IL7: variants seen among roughly 807,000 people sequenced by gnomAD.
IL7 encodes the protein interleukin-7.
Under a neutral mutation model 21.6 loss-of-function variants are expected in IL7, and 3 were observed. The observed-to-expected ratio is 0.14, with a 90% CI of 0.06 to 0.36. The LOEUF (loss-of-function observed/expected upper bound fraction) is 0.36. Among genes scored for constraint, IL7 ranks in the 10% least tolerant of loss-of-function variants. IL7 has a pLI of 1.00. For missense variants in IL7, 175 were observed against 200.2 expected, an observed-to-expected ratio of 0.87 and a Z score of 0.76; for synonymous variants, 62 against 68.1, an observed-to-expected ratio of 0.91 and a Z score of 0.44.
chr8:78,772,540 T>C (rs1346553649), intron 2 of IL7, among the ~76,000 whole-genome samples: 2 of 152,146 alleles, frequency 1.3e-5, no homozygotes, highest in Non-Finnish European at 2.9e-5. Flanking sequence ...TGACCTTAAA[T>C]GGCACAGTAA....
intron 2 of IL7, among the ~76,000 whole-genome samples, chr8:78,751,820 G>A (rs1341286274): frequency 1.3e-5 from 2 of 152,028 alleles, no homozygotes; most frequent in Non-Finnish European, 2.9e-5. Flanking sequence ...ATAAATTATG[G>A]TAAACTATGT....
rs906289342 is a variant in IL7 at position 78,685,205 on chromosome 8, G to T, written n.273+684C>A. 5.9e-5 allele frequency among the ~76,000 whole-genome samples: 9 copies of T among 151,918 alleles called. No homozygotes were observed. The East Asian group carries it at 1.2e-3, about 20-fold the overall frequency. On this transcript the variant is annotated intron_variant and non_coding_transcript_variant, in intron 4 of 4. Coordinates refer to the IL7 transcript ENST00000523959. ...ACAGGTGTTATTTCAATTCTGTTGT[G>T]GGGGGACAGGGAGGGGAGAGTCACT...
chr8:78,684,334 A>G (rs949333764), intron 4 of IL7, among the ~76,000 whole-genome samples: 2 of 152,234 alleles, frequency 1.3e-5, no homozygotes, highest in Admixed American at 1.3e-4. Context: ...TCAAAGGCAC[A>G]TCTTACATGA....
Position 78,794,787 on chromosome 8 carries a change from C to T in IL7, c.147+3285G>A, listed in dbSNP as rs73687556. 1.0e-2 allele frequency among the ~76,000 whole-genome samples: 1,515 copies of T among 152,134 alleles called. 27 individuals are homozygous for T. Among genetic ancestry groups the T allele is most frequent in the African/African-American group, 0.034 (1,432 of 41,518 alleles). ...TCTAACAAACAGGAAGTCACTCTTC[C>T]TACTTTTAAAACTGTAACTTGCATT... On this transcript the variant is annotated intron_variant, in intron 2 of 5. Coordinates refer to ENST00000263851, the MANE Select transcript of IL7 (RefSeq NM_000880.4).
At chr8:78,735,293 G>GTTTTTTTTTTTTTTTTTTTTTTGT (rs33976248) in intron 5 of IL7, among the ~76,000 whole-genome samples, 1 of 69,574 alleles carries the variant, frequency 1.4e-5, no homozygotes, top group African/African-American at 5.7e-5. Flanking sequence ...TTTTTTTTTT[G>GTTTTTTTTTTTTTTTTTTTTTTGT]TTTTTTTTTT....
intron 4 of IL7, among the ~76,000 whole-genome samples, chr8:78,680,146 T>C (rs1236610510): frequency 1.3e-5 from 2 of 152,126 alleles, no homozygotes; most frequent in Non-Finnish European, 1.5e-5. Context: ...TACATAAGAT[T>C]ATCCATGGTG....
chr8:78,798,963 T>C (rs1040399056), intron 1 of IL7, among the ~76,000 whole-genome samples: 20 of 152,074 alleles, frequency 1.3e-4, no homozygotes, highest in African/African-American at 4.6e-4. Flanking sequence ...TGATAACTCT[T>C]CCCAATTAGG....
Position 78,753,067 on chromosome 8 carries a change from CT to C in IL7, c.148-12986del, listed in dbSNP as rs199824772. ...GCAATAAACATATATGTGAATGTGT[CT>C]TTATAGTAGAATGATTTAAAATCCT... On this transcript the variant is annotated intron_variant, in intron 2 of 5. Transcript: ENST00000263851. 9.4e-3 allele frequency among the ~76,000 whole-genome samples: 1,431 copies of C among 152,180 alleles called. 46 individuals carry two copies. Among genetic ancestry groups the C allele is most frequent in the Admixed American group, 0.062 (950 of 15,278 alleles).
intron 2 of IL7, among the ~76,000 whole-genome samples, chr8:78,789,445 A>T (rs976624425): frequency 6.6e-6 from 1 of 152,172 alleles, no homozygotes; most frequent in African/African-American, 2.4e-5. Flanking sequence ...CATATTTTTG[A>T]AGCAATATTT....
intron 3 of IL7, chr8:78,712,198 A>G (rs1810973639): frequency 1.6e-6 from 1 of 608,544 alleles, no homozygotes; most frequent in African/African-American, 2.0e-5. Flanking sequence ...ACTGTCCTAT[A>G]CTTAAAAAAA....
chr8:78,735,293 G>GT (rs33976248), intron 5 of IL7, among the ~76,000 whole-genome samples: 20,958 of 69,454 alleles, frequency 0.3, 2,550 homozygotes, highest in African/African-American at 0.41. Flanking sequence ...TTTTTTTTTT[G>GT]TTTTTTTTTT....
chr8:78,731,876 A>T (rs935705108), downstream of IL7, among the ~76,000 whole-genome samples: 6 of 152,120 alleles, frequency 3.9e-5, no homozygotes, highest in African/African-American at 1.4e-4. Flanking sequence ...AGAAAATTTT[A>T]ATAGCGTTTT....
At chr8:78,744,603 C>T (rs1314244872) in intron 2 of IL7, among the ~76,000 whole-genome samples, 2 of 152,162 alleles carry the variant, frequency 1.3e-5, no homozygotes, top group African/African-American at 4.8e-5. Context: ...TACAGACCAT[C>T]GCTGCTTGGC....
intron 2 of IL7, among the ~76,000 whole-genome samples, chr8:78,789,352 A>T (rs948953615): frequency 1.3e-5 from 2 of 152,200 alleles, no homozygotes; most frequent in African/African-American, 2.4e-5. Flanking sequence ...AATTGATATT[A>T]AAAAACTAAT....
intron 2 of IL7, chr8:78,761,913 T>C: frequency 1.2e-6 from 2 of 1,611,482 alleles, no homozygotes; most frequent in Non-Finnish European, 1.7e-6. Context: ...AGAATCAAGA[T>C]TTCAAGTAGA....
In IL7 at chr8:78,798,201, A is replaced by G; in HGVS notation, c.18T>C (p.Phe6=). The change falls in exon 2 of 6, where the codon TTT becomes TTC. Residue 6 remains phenylalanine (F), a synonymous_variant. Transcript: ENST00000263851. MFHVS[F]RYIFGLPPLI... ...GGGGAGGAAGTCCAAAGATATACCT[A>G]AAAGAAACTAAATTTGACAGTAAAT... 2 of 1,606,520 alleles carry G rather than the reference A, an allele frequency of 1.2e-6. No individual in the cohort carries two copies. The highest frequency in any genetic ancestry group is 2.2e-5 in the East Asian group (1 of 44,746).
chr8:78,691,770 C>G (rs1810220468), intron 3 of IL7, among the ~76,000 whole-genome samples: 1 of 152,026 alleles, frequency 6.6e-6, no homozygotes, highest in South Asian at 2.1e-4. Flanking sequence ...TTACCCATAT[C>G]TATGGATATT....
rs1563626738 is a variant in IL7 at position 78,687,636 on chromosome 8, A to ATATATATATTTACGTAATACAT, written n.215-1711_215-1690dup. Among the ~76,000 whole-genome samples, 7 of 129,966 alleles carry ATATATATATTTACGTAATACAT rather than the reference A, an allele frequency of 5.4e-5. 2 individuals are homozygous for ATATATATATTTACGTAATACAT. The South Asian group carries it at 9.4e-4, about 18-fold the overall frequency. The allele number at this position is 129,966 out of a possible 152,430, so 85.3% of individuals were successfully genotyped here. ...ATTATATATATTTACGTAATACATTATATATATATTTACGTAATACATTAT... is the reference window on the plus strand; with the variant it reads ...ATTATATATATTTACGTAATACATTATATATATATTTACGTAATACATTATATATATTTACGTAATACATTAT... On this transcript the variant is annotated intron_variant and non_coding_transcript_variant, in intron 3 of 4. Coordinates refer to the IL7 transcript ENST00000523959.
At chr8:78,683,209 C>G (rs1809847084) in intron 4 of IL7, among the ~76,000 whole-genome samples, 1 of 152,238 alleles carries the variant, frequency 6.6e-6, no homozygotes, top group Non-Finnish European at 1.5e-5. Context: ...TCTCACAGCT[C>G]CACTAGGCAT....
Sources: gnomAD v4.1 joint callset for allele counts (sites outside exome capture counted in the v4.1 genomes callset) on GRCh38, gnomAD v4.1.1 for gene constraint, MANE v1.5 for transcripts, NCBI Gene and HGNC (gene_info 2026-07-23, HGNC 2026-07-21) for gene names.